Variants in RARB observed in about 807,000 individuals in gnomAD.
RARB encodes retinoic acid receptor beta.
Under a neutral mutation model 51.9 loss-of-function variants are expected in RARB, and 17 were observed. The observed-to-expected ratio is 0.33, with a 90% CI of 0.22 to 0.49. The LOEUF (loss-of-function observed/expected upper bound fraction) is 0.49. RARB is among the 20% of genes least tolerant of loss of function. The pLI is 0.99. For synonymous variants in RARB, 215 were observed against 195.4 expected, an observed-to-expected ratio of 1.10 and a Z score of -0.84; for missense variants, 369 against 550.8, an observed-to-expected ratio of 0.67 and a Z score of 3.30.
intron 5 of RARB, among the ~76,000 whole-genome samples, chr3:25,195,529 A>T (rs962003085): frequency 2.6e-5 from 4 of 152,018 alleles, no homozygotes; most frequent in South Asian, 2.1e-4. Context: ...TGAATTCATC[A>T]CATCTTATTC....
chr3:25,141,847 A>G (rs1380261656), intron 4 of RARB, among the ~76,000 whole-genome samples: 1 of 152,186 alleles, frequency 6.6e-6, no homozygotes, highest in Non-Finnish European at 1.5e-5. Flanking sequence ...CACCTTCTAC[A>G]GGCAGCATAA....
chr3:24,900,300 G>C (rs1394234313), intron 2 of RARB, among the ~76,000 whole-genome samples: 1 of 152,138 alleles, frequency 6.6e-6, no homozygotes, highest in African/African-American at 2.4e-5. Context: ...AAAAAATTAG[G>C]ATAAACTATT....
At chr3:25,421,403 C>CTTTTTTTTTTTTTTTTTTTTTTTTTT (rs766378555) in intron 5 of RARB, among the ~76,000 whole-genome samples, 4 of 72,374 alleles carry the variant, frequency 5.5e-5, no homozygotes, top group East Asian at 4.5e-4. Flanking sequence ...TTCTTCTTTT[C>CTTTTTTTTTTTTTTTTTTTTTTTTTT]TTTTTTTTTT....
At chr3:25,208,995 A>G (rs1701629739) in intron 5 of RARB, among the ~76,000 whole-genome samples, 1 of 152,258 alleles carries the variant, frequency 6.6e-6, no homozygotes, top group Non-Finnish European at 1.5e-5. Flanking sequence ...GCAAACAAAC[A>G]TGAAGCATGG....
chr3:25,269,965 G>T (rs1032759269), intron 5 of RARB, among the ~76,000 whole-genome samples: 6 of 152,088 alleles, frequency 3.9e-5, no homozygotes, highest in Admixed American at 3.9e-4. Context: ...AGATACCACC[G>T]CGTACCATTT....
chr3:25,558,743 G>A (rs1425554744), intron 3 of RARB, among the ~76,000 whole-genome samples: 1 of 151,934 alleles, frequency 6.6e-6, no homozygotes, highest in African/African-American at 2.4e-5. Context: ...GCCAGAAACT[G>A]GCTTCCCTAC....
intron 5 of RARB, among the ~76,000 whole-genome samples, chr3:25,421,417 T>C (rs1222173061): frequency 6.5e-5 from 9 of 138,608 alleles, no homozygotes; most frequent in Non-Finnish European, 1.1e-4. Flanking sequence ...TTTTTTTTTT[T>C]TTTTTTTTTT....
intron 2 of RARB, among the ~76,000 whole-genome samples, chr3:24,931,030 A>C (rs1695426696): frequency 6.6e-6 from 1 of 152,038 alleles, no homozygotes; most frequent in Non-Finnish European, 1.5e-5. Context: ...AGAAAAGAGG[A>C]AACTTAAACA....
chr3:25,123,843 G>A (rs998203655), intron 3 of RARB, among the ~76,000 whole-genome samples: 5 of 151,938 alleles, frequency 3.3e-5, no homozygotes, highest in African/African-American at 9.7e-5. Context: ...TGTTCTTCAC[G>A]TGGCTATGGG....
intron 5 of RARB, among the ~76,000 whole-genome samples, chr3:25,263,351 G>A (rs1320623572): frequency 2.0e-5 from 3 of 151,992 alleles, no homozygotes; most frequent in South Asian, 4.1e-4. Context: ...CTGTGGCATC[G>A]GGCATTAAAT....
intron 4 of RARB, among the ~76,000 whole-genome samples, chr3:25,145,004 C>A (rs1700165216): frequency 6.6e-6 from 1 of 152,160 alleles, no homozygotes; most frequent in Non-Finnish European, 1.5e-5. Flanking sequence ...CAGACCTGTT[C>A]TGGCTTTTGT....
chr3:25,315,724 G>A (rs896493446), intron 5 of RARB, among the ~76,000 whole-genome samples: 26 of 151,908 alleles, frequency 1.7e-4, no homozygotes, highest in Admixed American at 9.2e-4. Flanking sequence ...AGCGATTCTC[G>A]TGCCTCAGCC....
Position 24,873,639 on chromosome 3 carries a change from A to T in RARB, c.-380+14887A>T, listed in dbSNP as rs1368149590. 7.3e-5 allele frequency among the ~76,000 whole-genome samples: 11 copies of T among 150,884 alleles called. No homozygotes were observed. In the East Asian group the frequency reaches 2.1e-3, roughly 29 times the overall value. ...TTTTATTTGGGTTTATGCTTTCTGG[A>T]TAAATTGTTATTTATCAGTCTTCCC... is the stretch of plus-strand genomic sequence containing the variant. On this transcript the variant is annotated intron_variant, in intron 2 of 11. Coordinates refer to the RARB transcript ENST00000383772.
intron 5 of RARB, among the ~76,000 whole-genome samples, chr3:25,377,507 A>C (rs979272836): frequency 6.6e-6 from 1 of 152,234 alleles, no homozygotes; most frequent in Non-Finnish European, 1.5e-5. Context: ...ACAGTAGTAG[A>C]AAATAGCTTT....
At chr3:25,149,440 G>A (rs1700246826) in intron 4 of RARB, among the ~76,000 whole-genome samples, 1 of 152,220 alleles carries the variant, frequency 6.6e-6, no homozygotes, top group Non-Finnish European at 1.5e-5. Context: ...ACCAGAAAAT[G>A]TGATTGTGGG....
intron 5 of RARB, among the ~76,000 whole-genome samples, chr3:25,344,900 G>A (rs1445909974): frequency 6.6e-6 from 1 of 152,172 alleles, no homozygotes; most frequent in African/African-American, 2.4e-5. Flanking sequence ...TAGGGCTTAA[G>A]CTTAAATTGT....
intron 5 of RARB, among the ~76,000 whole-genome samples, chr3:25,258,274 T>C (rs577885875): frequency 6.2e-4 from 95 of 152,236 alleles, no homozygotes; most frequent in African/African-American, 2.3e-3. Flanking sequence ...TTTAAAGGAA[T>C]GGTAAACTTA....
intron 2 of RARB, among the ~76,000 whole-genome samples, chr3:24,905,655 C>G (rs1433129501): frequency 6.6e-6 from 1 of 152,140 alleles, no homozygotes; most frequent in African/African-American, 2.4e-5. Flanking sequence ...TTCCCACCTG[C>G]TTAAAGAAGC....
rs541073543 is a variant in RARB at position 25,343,086 on chromosome 3, G to A, written c.179-118107G>A. Among the ~76,000 whole-genome samples the A allele has an allele frequency of 1.5e-4, 22 of 147,002 alleles. No individual in the cohort carries two copies. The East Asian group carries it at 2.8e-3, about 19-fold the overall frequency. On this transcript the variant is annotated intron_variant, in intron 5 of 11. Coordinates refer to the RARB transcript ENST00000383772. The stretch of plus-strand genomic sequence containing the variant: ...TGTGTGTGTGTGTAATGCTGAGGCA[G>A]TAGTTAGAATATGAGGGTTTTAGGT...
Sources: allele counts gnomAD v4.1 joint callset (sites outside exome capture counted in the v4.1 genomes callset), GRCh38; gene constraint gnomAD v4.1.1; transcripts MANE v1.5; gene names NCBI Gene and HGNC (gene_info 2026-07-23, HGNC 2026-07-21).